ANKRD11: variants seen among roughly 807,000 people sequenced by gnomAD.
ANKRD11 encodes the protein ankyrin repeat domain-containing protein 11.
Under a neutral mutation model 195.7 loss-of-function variants are expected in ANKRD11, and 17 were observed. The observed-to-expected ratio is 0.09, with a 90% CI of 0.06 to 0.13. The LOEUF (loss-of-function observed/expected upper bound fraction) is 0.13. Ranked by LOEUF, ANKRD11 falls within the 10% of genes least tolerant of loss-of-function variation. The pLI, the probability that ANKRD11 is intolerant of heterozygous loss-of-function variation, is 1.00. For missense variants in ANKRD11, 3,735 were observed against 3,566.1 expected (o/e 1.05, Z -1.21); for synonymous variants, 1,953 against 1,528.1 (o/e 1.28, Z -6.49).
At chr16:89,467,424 A>G (rs2056923036) in intron 1 of ANKRD11, among the ~76,000 whole-genome samples, 1 of 152,254 alleles carries the variant, frequency 6.6e-6, no homozygotes, top group Non-Finnish European at 1.5e-5. Context: ...CCTGGACCAC[A>G]GAGTAAGACC....
intron 1 of ANKRD11, among the ~76,000 whole-genome samples, chr16:89,443,117 G>A (rs888433911): frequency 7.9e-5 from 12 of 152,050 alleles, no homozygotes; most frequent in Non-Finnish European, 1.2e-4. Flanking sequence ...CTCAGCCCCC[G>A]TGTAGCTCGG....
chr16:89,397,711 T>G (rs1351064763), intron 2 of ANKRD11, among the ~76,000 whole-genome samples: 1 of 152,218 alleles, frequency 6.6e-6, no homozygotes, highest in Non-Finnish European at 1.5e-5. Flanking sequence ...GTACTGCTCT[T>G]GGAATGTCAA....
At chr16:89,346,787 G>A (rs137909217) in intron 2 of ANKRD11, among the ~76,000 whole-genome samples, 1 of 152,190 alleles carries the variant, frequency 6.6e-6, no homozygotes, top group Non-Finnish European at 1.5e-5. Context: ...TCCCAATAAA[G>A]AGACTCTAAA....
chr16:89,270,492 A>G, intron 12 of ANKRD11: 2 of 412,702 alleles, frequency 4.8e-6, no homozygotes, highest in Non-Finnish European at 9.2e-6. Context: ...AGAGCAGTGG[A>G]GGGTGAATGC....
At chr16:89,303,482 G>A (rs921118935) in intron 4 of ANKRD11, among the ~76,000 whole-genome samples, 4 of 152,136 alleles carry the variant, frequency 2.6e-5, no homozygotes, top group South Asian at 2.1e-4. Flanking sequence ...TCACTTCCCC[G>A]TGTCTCCCAG....
At chr16:89,384,804 C>G (rs1191651934) in intron 2 of ANKRD11, among the ~76,000 whole-genome samples, 1 of 149,494 alleles carries the variant, frequency 6.7e-6, no homozygotes, top group Non-Finnish European at 1.5e-5. Flanking sequence ...GACAGCCCAA[C>G]AACAGAACCG....
intron 9 of ANKRD11, 21 bp from the exon 10 acceptor site, chr16:89,275,212 T>TG (rs1567545144): frequency 1.3e-5 from 20 of 1,588,046 alleles, no homozygotes; most frequent in Non-Finnish European, 1.4e-5. Flanking sequence ...AAGGTGAGTG[T>TG]GGGGGGTCAG....
In ANKRD11 at chr16:89,295,985, C is replaced by CTTTT. The variant is rs60214636; in HGVS notation, c.227-4806_227-4803dup. 1.5e-3 allele frequency among the ~76,000 whole-genome samples: 66 copies of CTTTT among 45,140 alleles called. 18 individuals are homozygous for CTTTT. The highest frequency in any genetic ancestry group is 5.4e-3 in the African/African-American group (51 of 9,518). The allele number at this position is 45,140 out of a possible 152,430, so 29.6% of individuals were successfully genotyped here. ...GGGAGTGTCTTCTCTATCTGGCTGC[C>CTTTT]TTTTTTTTTTTTTTTTTTTTTGAGA... On this transcript the variant is annotated intron_variant, in intron 4 of 12. Coordinates refer to ENST00000301030, the MANE Select transcript of ANKRD11 (RefSeq NM_013275.6).
At chr16:89,302,983 C>G (rs1235002781) in intron 4 of ANKRD11, among the ~76,000 whole-genome samples, 1 of 152,178 alleles carries the variant, frequency 6.6e-6, no homozygotes, top group Non-Finnish European at 1.5e-5. Flanking sequence ...CGCTAACCAT[C>G]AACAGACAGA....
intron 3 of ANKRD11, among the ~76,000 whole-genome samples, chr16:89,308,204 C>T (rs554201099): frequency 6.6e-6 from 1 of 152,208 alleles, no homozygotes; most frequent in South Asian, 2.1e-4. Context: ...AAAGACAACA[C>T]AAATGATAGG....
intron 2 of ANKRD11, among the ~76,000 whole-genome samples, chr16:89,347,927 G>A (rs144185145): frequency 1.2e-4 from 18 of 152,000 alleles, no homozygotes; most frequent in African/African-American, 3.9e-4. Flanking sequence ...CTCATGAATA[G>A]GTATGGGATT....
At chr16:89,477,007 G>C (rs2057280939) in intron 1 of ANKRD11, among the ~76,000 whole-genome samples, 1 of 152,146 alleles carries the variant, frequency 6.6e-6, no homozygotes, top group Admixed American at 6.5e-5. Flanking sequence ...GGAAGTGAGT[G>C]GAAGACCACA....
chr16:89,274,551 C>G (rs771991947), intron 11 of ANKRD11, among the ~76,000 whole-genome samples: 1 of 152,180 alleles, frequency 6.6e-6, no homozygotes, highest in African/African-American at 2.4e-5. Context: ...ACAAGTGTTA[C>G]GGAGGGACTG....
intron 1 of ANKRD11, among the ~76,000 whole-genome samples, chr16:89,487,105 C>T (rs999959887): frequency 3.3e-5 from 5 of 152,178 alleles, no homozygotes; most frequent in Admixed American, 3.3e-4. Context: ...TGAATTCATT[C>T]CATTTTTCTA....
Position 89,282,757 on chromosome 16 carries a change from T to C in ANKRD11, c.3785A>G (p.Lys1262Arg), listed in dbSNP as rs572769100. The change falls in exon 9 of 13, where the codon AAA (lysine) becomes AGA (arginine). Residue 1262 changes from lysine (K) to arginine (R), a missense_variant. By Grantham distance (26) the Lys-to-Arg change is conservative. Coordinates refer to ENST00000301030, the MANE Select transcript of ANKRD11 (RefSeq NM_013275.6). ...AKSKHKEKSD[K>R]EHSKERKSSR... The stretch of plus-strand genomic sequence containing the variant: ...GGACTTCCTCTCCTTGGAATGTTCT[T>C]TGTCCGACTTCTCTTTGTGTTTGCT... The C allele has an allele frequency of 6.2e-7, 1 of 1,613,350 alleles. No individual in the cohort carries two copies. Among genetic ancestry groups the C allele is most frequent in the African/African-American group, 1.3e-5 (1 of 75,004 alleles).
intron 7 of ANKRD11, chr16:89,286,651 A>G (rs2034669788): frequency 8.2e-7 from 1 of 1,224,844 alleles, no homozygotes; most frequent in Non-Finnish European, 1.0e-6. Flanking sequence ...TAGAGGAAAC[A>G]AAGACCAAGT....
intron 2 of ANKRD11, among the ~76,000 whole-genome samples, chr16:89,355,612 T>C (rs1489694393): frequency 6.6e-6 from 1 of 152,056 alleles, no homozygotes. Context: ...GACTGAAATG[T>C]CACAGTATCG....
intron 1 of ANKRD11, among the ~76,000 whole-genome samples, chr16:89,435,784 G>C (rs975336748): frequency 7.3e-6 from 1 of 137,670 alleles, no homozygotes; most frequent in African/African-American, 2.7e-5. Context: ...CGCACCCACA[G>C]CCACCAGCTC....
chr16:89,335,224 G>C (rs755268304), intron 2 of ANKRD11, among the ~76,000 whole-genome samples: 7 of 152,182 alleles, frequency 4.6e-5, no homozygotes, highest in Non-Finnish European at 8.8e-5. Flanking sequence ...GTTCCATGCA[G>C]GCTGGGAGAC....
Sources: allele counts gnomAD v4.1 joint callset (sites outside exome capture counted in the v4.1 genomes callset), GRCh38; gene constraint gnomAD v4.1.1; transcripts MANE v1.5; gene names NCBI Gene and HGNC (gene_info 2026-07-23, HGNC 2026-07-21).